Variants in PLPP7 observed in about 807,000 individuals in gnomAD.
The protein encoded by PLPP7 is inactive phospholipid phosphatase 7.
In PLPP7, 11 loss-of-function variants were observed where a neutral mutation model predicts 16.9. The observed-to-expected ratio is 0.65, with a 90% CI of 0.41 to 1.08. The LOEUF is 1.08. Among genes scored for constraint, PLPP7 ranks in the 50% least tolerant of loss-of-function variants. The pLI is 0.00. For synonymous variants in PLPP7, 174 were observed against 175.1 expected, an observed-to-expected ratio of 0.99 and a Z score of 0.05; for missense variants, 358 against 397.1, an observed-to-expected ratio of 0.90 and a Z score of 0.84.
At position 131,299,168 on chromosome 9, in the gene PLPP7, G is replaced by A. The variant is rs867030961; in HGVS notation, c.451+8720G>A. ...TCCACAAGTGGCCGACCTTGAAGCC[G>A]GTCTCTTTCTGGAGCCTGAGTGCGC... On this transcript the variant is annotated intron_variant, in intron 1 of 1. Coordinates refer to ENST00000372264, the MANE Select transcript of PLPP7 (RefSeq NM_032728.4). Among the ~76,000 whole-genome samples, 17 of 152,048 alleles carry A rather than the reference G, an allele frequency of 1.1e-4. 1 individual carries two copies. The highest frequency in any genetic ancestry group is 2.4e-4 in the African/African-American group (10 of 41,504).
At chr9:131,296,350 G>A (rs540751630) in intron 1 of PLPP7, among the ~76,000 whole-genome samples, 11 of 152,080 alleles carry the variant, frequency 7.2e-5, no homozygotes, top group East Asian at 1.9e-4. Context: ...TGCAACCTCC[G>A]CCTCCCAGGT....
At chr9:131,302,184 C>T (rs1835806493) in intron 1 of PLPP7, among the ~76,000 whole-genome samples, 1 of 152,264 alleles carries the variant, frequency 6.6e-6, no homozygotes, top group Non-Finnish European at 1.5e-5. Flanking sequence ...TCCTCAAAGC[C>T]CCAGCCAGTG....
chr9:131,306,386 A>C (rs772469153), intron 1 of PLPP7, among the ~76,000 whole-genome samples: 12 of 151,210 alleles, frequency 7.9e-5, no homozygotes, highest in Non-Finnish European at 1.6e-4. Flanking sequence ...TACTAAAAAT[A>C]CAAAAATTAG....
chr9:131,299,610 G>A (rs1030058816), intron 1 of PLPP7, among the ~76,000 whole-genome samples: 4 of 152,124 alleles, frequency 2.6e-5, no homozygotes, highest in Admixed American at 6.6e-5. Context: ...GGTGGCAGGC[G>A]GGCCACTGCC....
chr9:131,296,803 G>A (rs1341057405), intron 1 of PLPP7, among the ~76,000 whole-genome samples: 7 of 152,124 alleles, frequency 4.6e-5, no homozygotes, highest in African/African-American at 7.2e-5. Context: ...CATGTCCCTC[G>A]CACCAGCATG....
In PLPP7 at chr9:131,308,887, T is replaced by C. The variant is rs1835887981; in HGVS notation, c.*600T>C. The C allele has an allele frequency of 6.5e-6, 1 of 152,746 alleles. No homozygotes were observed. The highest frequency in any genetic ancestry group is 2.4e-5 in the African/African-American group (1 of 41,476). The allele number at this position is 152,746 out of a possible 1,614,324, so 9.5% of individuals were successfully genotyped here. ...GTTGGACATTCACAAAGGCCGTTAT[T>C]GCCGTAAAGGCTCTGACAAGCCCTA... On this transcript the variant is annotated 3_prime_UTR_variant, in exon 2 of 2. Transcript: ENST00000372264.
Position 131,302,770 on chromosome 9 carries a change from G to A in PLPP7, c.452-5153G>A, listed in dbSNP as rs78672438. 2.3e-3 allele frequency among the ~76,000 whole-genome samples: 354 copies of A among 152,314 alleles called. 1 individual carries two copies. The highest frequency in any genetic ancestry group is 7.9e-3 in the African/African-American group (330 of 41,560). ...CCCTGTGGCTAATGAGAGGGGCCAG[G>A]AGATGCCACGATTCAAACCCCAAAC... On this transcript the variant is annotated intron_variant, in intron 1 of 1. Transcript: ENST00000372264.
At chr9:131,303,196 G>A (rs1164266346) in intron 1 of PLPP7, among the ~76,000 whole-genome samples, 1 of 152,072 alleles carries the variant, frequency 6.6e-6, no homozygotes, top group African/African-American at 2.4e-5. Context: ...GCTGGGCGTG[G>A]TAGCACACAC....
rs996298702 is a variant in PLPP7, at chr9:131,289,805, C to A, written c.-193C>A. On this transcript the variant is annotated 5_prime_UTR_variant, in exon 1 of 2. The change creates a new upstream start codon in the 5' untranslated region. Coordinates refer to ENST00000372264, the MANE Select transcript of PLPP7 (RefSeq NM_032728.4). Reference sequence around the variant, plus strand: ...GGCTCGATTGGCTGCCCGGCTGGCACTGACGTCCCCTTGGAGCTGGGTGGC... The same window carrying A: ...GGCTCGATTGGCTGCCCGGCTGGCAATGACGTCCCCTTGGAGCTGGGTGGC... 6 of 435,308 alleles carry A rather than the reference C, an allele frequency of 1.4e-5. No homozygotes were observed. Among genetic ancestry groups the A allele is most frequent in the Non-Finnish European group, 2.3e-5 (6 of 258,572 alleles). The allele number at this position is 435,308 out of a possible 1,614,324, so 27.0% of individuals were successfully genotyped here. A position where few individuals can be genotyped will look rare whatever the true frequency, so the allele number is the denominator to read the frequency against.
intron 1 of PLPP7, chr9:131,293,113 A>C (rs1214134363): frequency 6.3e-6 from 2 of 316,914 alleles, no homozygotes; most frequent in Non-Finnish European, 9.1e-6. Context: ...ACAGATGAGT[A>C]AACTGAGGCT....
At chr9:131,300,366 G>A (rs575281149) in intron 1 of PLPP7, among the ~76,000 whole-genome samples, 16 of 152,204 alleles carry the variant, frequency 1.1e-4, no homozygotes, top group East Asian at 1.9e-4. Context: ...TGCTTTCATC[G>A]GGAAAAGCAA....
At chr9:131,302,922 G>T (rs1835814259) in intron 1 of PLPP7, among the ~76,000 whole-genome samples, 1 of 152,230 alleles carries the variant, frequency 6.6e-6, no homozygotes, top group Admixed American at 6.5e-5. Context: ...ACAGTTAGGT[G>T]CACCACAGTG....
In PLPP7 at chr9:131,294,810, G is replaced by A. The variant is rs545029458; in HGVS notation, c.451+4362G>A. Among the ~76,000 whole-genome samples, 13 of 152,028 alleles carry A rather than the reference G, an allele frequency of 8.6e-5. No homozygotes were observed. In the East Asian group the frequency reaches 2.3e-3, roughly 27 times the overall value. On this transcript the variant is annotated intron_variant, in intron 1 of 1. Transcript: ENST00000372264. ...ATGGTTTCGTTATGTTGGCCAGGCT[G>A]GTCTCGAACTCCTGACCTCAGGTAA... is the stretch of plus-strand genomic sequence containing the variant.
intron 1 of PLPP7, among the ~76,000 whole-genome samples, chr9:131,298,892 C>G (rs756901729): frequency 6.6e-6 from 1 of 152,182 alleles, no homozygotes; most frequent in Non-Finnish European, 1.5e-5. Flanking sequence ...AGCAGGGCCC[C>G]GGGGACAGCT....
chr9:131,308,386 A>G lies in PLPP7; in HGVS notation c.*99A>G. The G allele has an allele frequency of 1.4e-6, 2 of 1,442,490 alleles. No individual in the cohort carries two copies. Among genetic ancestry groups the G allele is most frequent in the Non-Finnish European group, 1.8e-6 (2 of 1,099,636 alleles). 89.4% of individuals were successfully genotyped at this position (1,442,490 alleles called of 1,614,324 possible). On this transcript the variant is annotated 3_prime_UTR_variant, in exon 2 of 2. Coordinates refer to ENST00000372264, the MANE Select transcript of PLPP7 (RefSeq NM_032728.4). ...CGGGCGTGGGTGGAACAGAGCGGCCAGGAGTCAGAGCGGCCACCCCCACCT... is the reference window on the plus strand; with the variant it reads ...CGGGCGTGGGTGGAACAGAGCGGCCGGGAGTCAGAGCGGCCACCCCCACCT...
At chr9:131,301,635 G>A (rs1338479758) in intron 1 of PLPP7, among the ~76,000 whole-genome samples, 1 of 152,120 alleles carries the variant, frequency 6.6e-6, no homozygotes, top group Non-Finnish European at 1.5e-5. Context: ...CCAGCCTCCA[G>A]GACCAGAGCC....
In PLPP7 at chr9:131,295,950, C is replaced by T. The variant is rs939140232; in HGVS notation, c.451+5502C>T. 2.6e-5 allele frequency among the ~76,000 whole-genome samples: 4 copies of T among 152,180 alleles called. No individual in the cohort carries two copies. Among genetic ancestry groups the T allele is most frequent in the African/African-American group, 9.7e-5 (4 of 41,432 alleles). On this transcript the variant is annotated intron_variant, in intron 1 of 1. Transcript: ENST00000372264. The surrounding 1 kb of genome is among the most constrained non-coding windows in gnomAD (Gnocchi z 4.0). The stretch of plus-strand genomic sequence containing the variant: ...TCCACATTTTAGCTGTTCTGAGTAA[C>T]GCTGCCGTGCGCACAGGTGTATATG...
chr9:131,299,395 G>A (rs11244359), intron 1 of PLPP7, among the ~76,000 whole-genome samples: 99,889 of 151,634 alleles, frequency 0.66, 34,080 homozygotes, highest in Middle Eastern at 0.78. Context: ...CCATGTGGGC[G>A]GAATCAGCCT....
At chr9:131,304,247 C>T (rs565781307) in intron 1 of PLPP7, among the ~76,000 whole-genome samples, 13 of 152,304 alleles carry the variant, frequency 8.5e-5, no homozygotes, top group African/African-American at 1.7e-4. Context: ...CTTCCTCTCT[C>T]GGCACAGAAA....
Sources: gnomAD v4.1 joint callset for allele counts (sites outside exome capture counted in the v4.1 genomes callset) on GRCh38, gnomAD v4.1.1 for gene constraint, Gnocchi (gnomAD v3.1) non-coding constraint, MANE v1.5 for transcripts, NCBI Gene and HGNC (gene_info 2026-07-23, HGNC 2026-07-21) for gene names.